CD300A: variants seen among roughly 807,000 people sequenced by gnomAD.
CD300A encodes the protein CMRF35-like molecule 8.
A neutral mutation model predicts 33.6 loss-of-function variants in CD300A; 22 were observed. The observed-to-expected ratio is 0.66, with a 90% CI of 0.47 to 0.94. The LOEUF is 0.94. CD300A is among the 40% of genes least tolerant of loss of function. CD300A has a pLI of 0.00. For missense variants in CD300A, 326 were observed against 360.5 expected, an observed-to-expected ratio of 0.90 and a Z score of 0.77; for synonymous variants, 136 against 148.1, an observed-to-expected ratio of 0.92 and a Z score of 0.59.
rs1467042213 is a variant in CD300A, at chr17:74,481,719, C to T, written c.667-7C>T. 6.9e-6 allele frequency: 11 copies of T among 1,600,726 alleles called. No homozygotes were observed. The East Asian group carries it at 2.0e-4, about 29-fold the overall frequency. ...GGACACCCACCTGGGACCTCCTGCC[C>T]ACCCAGGCTGCCACGCAGAGTGAGC... On this transcript the variant is annotated splice_polypyrimidine_tract_variant and splice_region_variant and intron_variant, in intron 5 of 6. Transcript: ENST00000360141.
intron 1 of CD300A, among the ~76,000 whole-genome samples, chr17:74,467,201 G>C (rs1426396780): frequency 7.1e-6 from 1 of 140,182 alleles, no homozygotes; most frequent in African/African-American, 2.7e-5. Context: ...GGCCTCACTA[G>C]GTGCAGGGTA....
At position 74,467,132 on chromosome 17, in the gene CD300A, C is replaced by T. The variant is rs547360394; in HGVS notation, c.40+389C>T. The stretch of plus-strand genomic sequence containing the variant: ...CATGTGGTGAGGGTGGGGGAGATGC[C>T]GGGCTCACTGGGTGCAGGGTATGGA... On this transcript the variant is annotated intron_variant, in intron 1 of 6. Coordinates refer to ENST00000360141, the MANE Select transcript of CD300A (RefSeq NM_007261.4). The T allele has an allele frequency of 2.4e-3, 502 of 206,992 alleles. 2 individuals carry two copies. The highest frequency in any genetic ancestry group is 3.2e-3 in the Admixed American group (40 of 12,520). The allele number at this position is 206,992 out of a possible 1,614,324, so 12.8% of individuals were successfully genotyped here.
At position 74,473,706 on chromosome 17, in the gene CD300A, A is replaced by G. The variant is rs1567979798; in HGVS notation, c.211A>G (p.Arg71Gly). 6.2e-7 allele frequency: 1 copy of G among 1,614,252 alleles called. No homozygotes were observed. Among genetic ancestry groups the G allele is most frequent in the African/African-American group, 1.3e-5 (1 of 75,074 alleles). ...IVETKGSAGK[R>G]NGRVSIRDSP... ...GGAGACCAAAGGGTCAGCAGGAAAA[A>G]GGAACGGCCGAGTGTCCATCAGGGA... Residue 71 changes from arginine (R) to glycine (G), a missense_variant, in exon 2 of 7, where the codon AGG becomes GGG. Arg to Gly is a moderately radical substitution (Grantham distance 125). Coordinates refer to ENST00000360141, the MANE Select transcript of CD300A (RefSeq NM_007261.4).
intron 1 of CD300A, among the ~76,000 whole-genome samples, chr17:74,472,186 C>G (rs1410796723): frequency 1.3e-5 from 2 of 150,292 alleles, no homozygotes; most frequent in Admixed American, 1.3e-4. Flanking sequence ...TGCAATGAGC[C>G]GAGATCCCGC....
intron 1 of CD300A, among the ~76,000 whole-genome samples, chr17:74,470,467 A>C (rs1906024463): frequency 6.6e-6 from 1 of 152,020 alleles, no homozygotes; most frequent in African/African-American, 2.4e-5. Flanking sequence ...CAGACACTGG[A>C]GGTAGGACGA....
rs1906775861 is a variant in CD300A at position 74,480,634 on chromosome 17, C to G, written c.629-655C>G. Among the ~76,000 whole-genome samples the G allele has an allele frequency of 6.6e-6, 1 of 152,224 alleles. No individual in the cohort carries two copies. Among genetic ancestry groups the G allele is most frequent in the African/African-American group, 2.4e-5 (1 of 41,454 alleles). On this transcript the variant is annotated intron_variant, in intron 4 of 6. Transcript: ENST00000360141. The surrounding 1 kb of genome is among the most constrained non-coding windows in gnomAD (Gnocchi z 4.2). ...CTGATGCAGCCCTAAGCCCCAGATG[C>G]ACAGGGCTTTTCAGTGGCATCCTTC...
At chr17:74,468,533 A>G (rs928823687) in intron 1 of CD300A, among the ~76,000 whole-genome samples, 17 of 151,114 alleles carry the variant, frequency 1.1e-4, no homozygotes, top group Non-Finnish European at 1.8e-4. Context: ...GGGTCTTACC[A>G]TGTTGCCCAG....
At chr17:74,470,163 G>A (rs1905999756) in intron 1 of CD300A, 14 of 985,422 alleles carry the variant, frequency 1.4e-5, no homozygotes, top group Non-Finnish European at 1.7e-5. Flanking sequence ...AGAGGGGTTT[G>A]GGGTGGTGAT....
intron 4 of CD300A, among the ~76,000 whole-genome samples, chr17:74,477,745 G>A (rs1378629597): frequency 6.6e-6 from 1 of 152,142 alleles, no homozygotes; most frequent in Non-Finnish European, 1.5e-5. Context: ...CAAGCAGGAG[G>A]CTTTCCCACT....
Position 74,484,083 on chromosome 17 carries a change from A to G in CD300A, c.857A>G (p.Glu286Gly). ...TNRIAAQRPREEEPDSDYSVI... is the reference protein window; with the variant it reads ...TNRIAAQRPRGEEPDSDYSVI... ...AGGATAGCTGCTCAGAGGCCTCGGG[A>G]GGAGGAACCAGATTCAGATTACAGT... The change falls in exon 7 of 7, where the codon GAG (glutamate) becomes GGG (glycine). Residue 286 changes from glutamate (E) to glycine (G), a missense_variant. Glu to Gly is a moderately conservative substitution (Grantham distance 98, BLOSUM62 -2). Coordinates refer to ENST00000360141, the MANE Select transcript of CD300A (RefSeq NM_007261.4). 1 of 1,614,044 alleles carries G rather than the reference A, an allele frequency of 6.2e-7. No individual in the cohort carries two copies. Among genetic ancestry groups the G allele is most frequent in the Non-Finnish European group, 8.5e-7 (1 of 1,179,974 alleles).
At chr17:74,474,712 G>C (rs754333758) in intron 3 of CD300A, 27 bp downstream of exon 3, 1 of 1,611,686 alleles carries the variant, frequency 6.2e-7, no homozygotes, top group South Asian at 1.1e-5. Flanking sequence ...CTGAGACATG[G>C]AGGGGGCCCT....
chr17:74,483,364 C>CTTT (rs112316749), intron 6 of CD300A, among the ~76,000 whole-genome samples: 20 of 139,480 alleles, frequency 1.4e-4, no homozygotes, highest in African/African-American at 5.4e-4. Context: ...TTCTTTTTTT[C>CTTT]TTTTTTTTTT....
intron 1 of CD300A, among the ~76,000 whole-genome samples, chr17:74,469,370 A>C (rs1905939423): frequency 6.6e-6 from 1 of 152,110 alleles, no homozygotes; most frequent in African/African-American, 2.4e-5. Flanking sequence ...CTTAAAAAAA[A>C]AAAAAGTCTA....
At position 74,478,050 on chromosome 17, in the gene CD300A, C is replaced by T. The variant is rs58616495; in HGVS notation, c.628+520C>T. Among the ~76,000 whole-genome samples, 423 of 152,304 alleles carry T rather than the reference C, an allele frequency of 2.8e-3. 3 individuals carry two copies. The highest frequency in any genetic ancestry group is 0.018 in the East Asian group (94 of 5,180). On this transcript the variant is annotated intron_variant, in intron 4 of 6. Transcript: ENST00000360141. ...CTACCCACCTCCCTCTCCCCATCCGCGCACCCTGGAAACCAACTTCTTGTA... is the reference window on the plus strand; with the variant it reads ...CTACCCACCTCCCTCTCCCCATCCGTGCACCCTGGAAACCAACTTCTTGTA...
At chr17:74,469,493 GTCT>G (rs1349377242) in intron 1 of CD300A, among the ~76,000 whole-genome samples, 2 of 151,980 alleles carry the variant, frequency 1.3e-5, no homozygotes, top group East Asian at 1.9e-4. Context: ...TTATATCTGC[GTCT>G]TCTTTATTTT....
At chr17:74,467,501 G>A (rs759531139) in intron 1 of CD300A, among the ~76,000 whole-genome samples, 8 of 152,124 alleles carry the variant, frequency 5.3e-5, no homozygotes, top group Non-Finnish European at 1.2e-4. Flanking sequence ...GAGAAGCGTG[G>A]AGTTGAGTCT....
At chr17:74,479,846 CTT>C (rs1906716172) in intron 4 of CD300A, among the ~76,000 whole-genome samples, 1 of 152,134 alleles carries the variant, frequency 6.6e-6, no homozygotes, top group South Asian at 2.1e-4. Flanking sequence ...ACTCCCCACT[CTT>C]TCCCCCAGCC....
chr17:74,469,017 T>C (rs994717058), intron 1 of CD300A, among the ~76,000 whole-genome samples: 24 of 152,196 alleles, frequency 1.6e-4, no homozygotes, highest in African/African-American at 5.5e-4. Flanking sequence ...TCTGGTCAGA[T>C]GTTTGTCTTG....
chr17:74,482,635 A>T (rs1906942111), intron 6 of CD300A, among the ~76,000 whole-genome samples: 1 of 150,590 alleles, frequency 6.6e-6, no homozygotes, highest in African/African-American at 2.5e-5. Context: ...CATGAGGATG[A>T]GGGTGGTCTG....
Sources: gnomAD v4.1 joint callset for allele counts (sites outside exome capture counted in the v4.1 genomes callset) on GRCh38, gnomAD v4.1.1 for gene constraint, Gnocchi (gnomAD v3.1) non-coding constraint, MANE v1.5 for transcripts, NCBI Gene and HGNC (gene_info 2026-07-23, HGNC 2026-07-21) for gene names.